WDR37: variants seen among roughly 807,000 people sequenced by gnomAD.
The protein encoded by WDR37 is WD repeat domain 37.
A neutral mutation model predicts 62.9 loss-of-function variants in WDR37; 19 were observed. The ratio of observed to expected loss-of-function variants is 0.30; its 90% CI spans 0.21 to 0.44. WDR37 has a LOEUF of 0.44. Ranked by LOEUF, WDR37 falls within the 20% of genes least tolerant of loss-of-function variation. The probability of loss-of-function intolerance (pLI) is 1.00; values close to 1 mark genes in which losing one functional copy is unlikely to be tolerated. For synonymous variants in WDR37, 250 were observed against 260.9 expected, an observed-to-expected ratio of 0.96 and a Z score of 0.40; for missense variants, 474 against 657.6, an observed-to-expected ratio of 0.72 and a Z score of 3.05.
At chr10:1,073,076 A>G (rs1186841941) in intron 2 of WDR37, among the ~76,000 whole-genome samples, 5 of 152,210 alleles carry the variant, frequency 3.3e-5, no homozygotes, top group Non-Finnish European at 7.3e-5. Context: ...TTTGATAAAG[A>G]TAAGTTTTGC....
At chr10:1,094,410 A>C (rs1171069175) in intron 8 of WDR37, among the ~76,000 whole-genome samples, 1 of 152,216 alleles carries the variant, frequency 6.6e-6, no homozygotes, top group Non-Finnish European at 1.5e-5. Flanking sequence ...AGCCCCAGCA[A>C]CAGGTACTTC....
chr10:1,084,246 C>A (rs189510322), intron 5 of WDR37, among the ~76,000 whole-genome samples, 157 bp from the exon 6 acceptor site: 1 of 152,230 alleles, frequency 6.6e-6, no homozygotes, highest in African/African-American at 2.4e-5. Context: ...CCACGCAGGG[C>A]GTTTCAGCTC....
At position 1,129,360 on chromosome 10, in the gene WDR37, T is replaced by A; in HGVS notation, c.*16T>A. 1 of 1,613,802 alleles carries A rather than the reference T, an allele frequency of 6.2e-7. No individual in the cohort carries two copies. The highest frequency in any genetic ancestry group is 1.3e-5 in the African/African-American group (1 of 75,038). On this transcript the variant is annotated 3_prime_UTR_variant, in exon 14 of 14. Coordinates refer to ENST00000263150, the MANE Select transcript of WDR37 (RefSeq NM_014023.4). The stretch of plus-strand genomic sequence containing the variant: ...AGAAAAATAAGGACACCGGCAGCCC[T>A]TAGTTTCACTGTTTGCCAGCACAGA...
At chr10:1,065,311 G>C (rs531272180) in intron 1 of WDR37, among the ~76,000 whole-genome samples, 1 of 152,292 alleles carries the variant, frequency 6.6e-6, no homozygotes, top group East Asian at 1.9e-4. Context: ...ATGTGAACTG[G>C]TAAAATGTTG....
intron 12 of WDR37, 145 bp from the exon 13 acceptor site, chr10:1,124,765 C>T (rs753245944): frequency 1.0e-4 from 114 of 1,095,074 alleles, no homozygotes; most frequent in Non-Finnish European, 1.4e-4. Flanking sequence ...TTTTGAATAC[C>T]GTAAGCAGGT....
At position 1,086,323 on chromosome 10, in the gene WDR37, G is replaced by A. The variant is rs761947218; in HGVS notation, c.570G>A (p.Lys190=). The change falls in exon 7 of 14, where the codon AAG becomes AAA. Residue 190 remains lysine, a synonymous_variant. Transcript: ENST00000263150. ...TALLWSIETG[K]CLVKYAGHVG... ...TGCTGTGGAGCATAGAGACAGGGAA[G>A]TGCCTAGTCAAGTACGCAGGCCACG... 1 of 1,614,196 alleles carries A rather than the reference G, an allele frequency of 6.2e-7. No individual in the cohort carries two copies. The highest frequency in any genetic ancestry group is 8.5e-7 in the Non-Finnish European group (1 of 1,180,030).
intron 9 of WDR37, among the ~76,000 whole-genome samples, chr10:1,100,394 A>G (rs1360196325): frequency 4.6e-5 from 7 of 152,096 alleles, no homozygotes; most frequent in Admixed American, 3.9e-4. Flanking sequence ...TTCCAGCACT[A>G]CTGGATGAAA....
chr10:1,066,585 A>C (rs1405568701), intron 1 of WDR37, among the ~76,000 whole-genome samples: 1 of 152,252 alleles, frequency 6.6e-6, no homozygotes, highest in Non-Finnish European at 1.5e-5. Flanking sequence ...ATTTTTGTAG[A>C]TATGTAAAAG....
At chr10:1,126,444 G>A (rs924940507) in intron 13 of WDR37, among the ~76,000 whole-genome samples, 8 of 151,998 alleles carry the variant, frequency 5.3e-5, no homozygotes, top group Non-Finnish European at 8.8e-5. Flanking sequence ...TCGAGGCAGC[G>A]TCTGCCCAGC....
chr10:1,117,577 G>A (rs113780506), intron 11 of WDR37, among the ~76,000 whole-genome samples: 6 of 152,324 alleles, frequency 3.9e-5, no homozygotes, highest in Non-Finnish European at 7.4e-5. Flanking sequence ...TGAGATGACT[G>A]TAAGACAGCC....
chr10:1,113,990 C>T (rs1166865289), intron 11 of WDR37, among the ~76,000 whole-genome samples: 1 of 111,124 alleles, frequency 9.0e-6, no homozygotes, highest in Admixed American at 1.4e-4. Context: ...GGAGTCTTGC[C>T]CTGTTGCCTA....
At chr10:1,117,994 C>T (rs1441280512) in intron 11 of WDR37, among the ~76,000 whole-genome samples, 1 of 138,352 alleles carries the variant, frequency 7.2e-6, no homozygotes, top group Non-Finnish European at 1.6e-5. Flanking sequence ...CCACCCTCAG[C>T]CAGCCCTACT....
Position 1,117,875 on chromosome 10 carries a change from C to T in WDR37, c.1104-6343C>T, listed in dbSNP as rs147836808. Among the ~76,000 whole-genome samples, 27 of 152,304 alleles carry T rather than the reference C, an allele frequency of 1.8e-4. No homozygotes were observed. In the East Asian group the frequency reaches 4.3e-3, roughly 24 times the overall value. On this transcript the variant is annotated intron_variant, in intron 11 of 13. Coordinates refer to ENST00000263150, the MANE Select transcript of WDR37 (RefSeq NM_014023.4). ...TGCGCTGCGTGCACTCAGCCACCCT[C>T]AGCCAGCTCTGTTTGAAGTCCCTGC...
intron 11 of WDR37, among the ~76,000 whole-genome samples, chr10:1,114,776 C>T (rs528843834): frequency 1.2e-4 from 18 of 152,210 alleles, no homozygotes; most frequent in African/African-American, 3.4e-4. Context: ...GTTTTTCACC[C>T]GGCAGTGTAA....
chr10:1,076,400 C>T (rs998991720), intron 2 of WDR37, among the ~76,000 whole-genome samples: 4 of 152,078 alleles, frequency 2.6e-5, no homozygotes, highest in African/African-American at 9.7e-5. Context: ...TACAACTCGG[C>T]CACGCGCGGT....
intron 1 of WDR37, among the ~76,000 whole-genome samples, chr10:1,069,314 C>T (rs1277631382): frequency 1.4e-5 from 2 of 144,616 alleles, no homozygotes; most frequent in Admixed American, 1.4e-4. Flanking sequence ...TCACATAAAA[C>T]CCTGTATATT....
chr10:1,105,510 C>T lies in WDR37; in HGVS notation c.1103+243C>T, dbSNP rs554651673. Among the ~76,000 whole-genome samples the T allele has an allele frequency of 7.2e-5, 11 of 152,156 alleles. No individual in the cohort carries two copies. The highest frequency in any genetic ancestry group is 1.6e-4 in the Non-Finnish European group (11 of 68,040). ...GTTCTCTCAAGAAGTTTAATGCAGA[C>T]AGAATGGGGGAGTGGGTGGAGAGGG... On this transcript the variant is annotated intron_variant, in intron 11 of 13. Transcript: ENST00000263150. The surrounding 1 kb of genome is among the most constrained non-coding windows in gnomAD (Gnocchi z 5.3).
chr10:1,095,362 G>A (rs1347115160), intron 8 of WDR37, among the ~76,000 whole-genome samples: 1 of 147,964 alleles, frequency 6.8e-6, no homozygotes, highest in Non-Finnish European at 1.5e-5. Flanking sequence ...ACTGGGAAAC[G>A]TGAGGTAACA....
rs1445983179 is a variant in WDR37 at position 1,121,510 on chromosome 10, G to A, written c.1104-2708G>A. Among the ~76,000 whole-genome samples, 2 of 152,128 alleles carry A rather than the reference G, an allele frequency of 1.3e-5. No homozygotes were observed. Among genetic ancestry groups the A allele is most frequent in the African/African-American group, 4.8e-5 (2 of 41,416 alleles). ...CTGGAGGAGTTACTGGGTTGATTTT[G>A]CAGTCTCTCTCCTCTGCCCATGCTG... On this transcript the variant is annotated intron_variant, in intron 11 of 13. Transcript: ENST00000263150. The surrounding 1 kb of genome is among the most constrained non-coding windows in gnomAD (Gnocchi z 4.5).
Sources: allele counts gnomAD v4.1 joint callset (sites outside exome capture counted in the v4.1 genomes callset), GRCh38; gene constraint gnomAD v4.1.1; non-coding constraint Gnocchi (gnomAD v3.1); transcripts MANE v1.5; gene names NCBI Gene and HGNC (gene_info 2026-07-23, HGNC 2026-07-21).